The following NAV2 variants were observed in gnomAD, a reference collection of about 807,000 sequenced individuals.
NAV2 encodes the protein neuron navigator 2.
Under a neutral mutation model 223.2 loss-of-function variants are expected in NAV2, and 54 were observed. The observed-to-expected ratio is 0.24, with a 90% CI of 0.19 to 0.30. The LOEUF is 0.30. Among genes scored for constraint, NAV2 ranks in the 10% least tolerant of loss-of-function variants. The pLI, the probability that NAV2 is intolerant of heterozygous loss-of-function variation, is 1.00. For synonymous variants in NAV2, 1,279 were observed against 1,239.3 expected, an observed-to-expected ratio of 1.03 and a Z score of -0.67; for missense variants, 2,806 against 3,147.5, an observed-to-expected ratio of 0.89 and a Z score of 2.60.
intron 1 of NAV2, among the ~76,000 whole-genome samples, chr11:19,388,322 C>T (rs1336816612): frequency 1.3e-5 from 2 of 152,214 alleles, no homozygotes; most frequent in Admixed American, 1.3e-4. Context: ...AAGAACCCGA[C>T]TGTCCCAGCT....
intron 1 of NAV2, among the ~76,000 whole-genome samples, chr11:19,641,612 A>G (rs1397857460): frequency 6.6e-6 from 1 of 151,784 alleles, no homozygotes; most frequent in Non-Finnish European, 1.5e-5. Flanking sequence ...CACCATGGCT[A>G]TGCAGACCCC....
chr11:19,855,636 G>A (rs1397414964), intron 3 of NAV2, among the ~76,000 whole-genome samples: 1 of 152,120 alleles, frequency 6.6e-6, no homozygotes, highest in Non-Finnish European at 1.5e-5. Context: ...CATGCATTCC[G>A]GGTTTCCACT....
intron 1 of NAV2, among the ~76,000 whole-genome samples, chr11:19,469,751 G>C (rs2041903764): frequency 6.6e-6 from 1 of 152,194 alleles, no homozygotes; most frequent in South Asian, 2.1e-4. Flanking sequence ...TGGCTATTCT[G>C]TATGTTCTGT....
In NAV2 at chr11:19,946,521, G is replaced by A. The variant is rs2046951428; in HGVS notation, c.2255+12G>A. 7 of 1,604,704 alleles carry A rather than the reference G, an allele frequency of 4.4e-6. No individual in the cohort carries two copies. In the South Asian group the frequency reaches 4.5e-5, roughly 10 times the overall value. Reference sequence around the variant, plus strand: ...CAGGTTACACACAGGTATCTGCAGTGTGAATTACTTTACTGAACTACCTGG... The same window carrying A: ...CAGGTTACACACAGGTATCTGCAGTATGAATTACTTTACTGAACTACCTGG... On this transcript the variant is annotated intron_variant, in intron 9 of 37. Transcript: ENST00000349880.
intron 1 of NAV2, among the ~76,000 whole-genome samples, chr11:19,427,984 A>AT (rs532127755): frequency 1.7e-4 from 26 of 151,234 alleles, no homozygotes; most frequent in South Asian, 4.2e-4. Context: ...TGTTTGGGGT[A>AT]TTTTTTTTAA....
Position 19,438,968 on chromosome 11 carries a change from C to T in NAV2, c.75+87941C>T, listed in dbSNP as rs192808714. On this transcript the variant is annotated intron_variant, in intron 1 of 37. Transcript: ENST00000360655. ...ATTGGCCATTAGTGATTAGCTCAAT[C>T]GCCAGCCCCTCCCTCCTCCCTGGAA... Among the ~76,000 whole-genome samples the T allele has an allele frequency of 3.8e-4, 58 of 152,016 alleles. No individual in the cohort carries two copies. The East Asian group carries it at 5.2e-3, about 14-fold the overall frequency.
chr11:20,035,460 AGGTTTCTCCTAACTGTTGCC>A (rs1449529652), intron 11 of NAV2, among the ~76,000 whole-genome samples: 1 of 152,184 alleles, frequency 6.6e-6, no homozygotes, highest in Non-Finnish European at 1.5e-5. Flanking sequence ...CCAAGTTGAC[AGGTTTCTCCTAACTGTTGCC>A]GCTCTCCCTC....
chr11:20,054,178 C>T lies in NAV2; in HGVS notation c.4580C>T (p.Pro1527Leu), dbSNP rs542369987. The change falls in exon 18 of 38, where the codon CCC becomes CTC. Residue 1527 changes from proline (P) to leucine (L), a missense_variant. Physicochemically the swap from Pro to Leu is moderately conservative, Grantham distance 98 (BLOSUM62 -3). Coordinates refer to ENST00000349880, the MANE Select transcript of NAV2 (RefSeq NM_145117.5). ...GGLQDTAANS[P>L]FSSGSSVTSP... ...CTTCAGGACACCGCTGCCAATTCCCCCTTTTCCTCTGGCTCCAGCGTGACT... is the reference window on the plus strand; with the variant it reads ...CTTCAGGACACCGCTGCCAATTCCCTCTTTTCCTCTGGCTCCAGCGTGACT... 6.2e-7 allele frequency: 1 copy of T among 1,613,668 alleles called. No homozygotes were observed. The highest frequency in any genetic ancestry group is 1.1e-5 in the South Asian group (1 of 90,926).
Position 19,998,903 on chromosome 11 carries a change from G to T in NAV2, c.2768+14656G>T, listed in dbSNP as rs1015832171. On this transcript the variant is annotated intron_variant, in intron 11 of 37. Coordinates refer to ENST00000349880, the MANE Select transcript of NAV2 (RefSeq NM_145117.5). The surrounding 1 kb of genome is among the most constrained non-coding windows in gnomAD (Gnocchi z 5.0). ...TAATTTTTATTTATTTGCCTGTTAT[G>T]TCTTTCCCACTAGACTATCAGTATC... 6.6e-6 allele frequency among the ~76,000 whole-genome samples: 1 copy of T among 152,168 alleles called. No homozygotes were observed. The highest frequency in any genetic ancestry group is 1.5e-5 in the Non-Finnish European group (1 of 68,042).
At chr11:19,884,421 T>C in intron 5 of NAV2, 3 of 1,430,986 alleles carry the variant, frequency 2.1e-6, no homozygotes, top group Non-Finnish European at 3.0e-6. Flanking sequence ...TGTTCCATTG[T>C]TCCCTCTGTT....
intron 1 of NAV2, among the ~76,000 whole-genome samples, chr11:19,804,977 T>G (rs1477080232): frequency 6.6e-6 from 1 of 152,118 alleles, no homozygotes; most frequent in Non-Finnish European, 1.5e-5. Flanking sequence ...TGAATTGGGC[T>G]GAAGTGAAAG....
chr11:20,108,208 C>G (rs914138916), intron 36 of NAV2, among the ~76,000 whole-genome samples: 2 of 152,134 alleles, frequency 1.3e-5, no homozygotes, highest in East Asian at 1.9e-4. Context: ...GTTTTTTACT[C>G]CATTTTTAAG....
intron 1 of NAV2, among the ~76,000 whole-genome samples, chr11:19,770,657 A>G (rs756714693): frequency 2.0e-5 from 3 of 152,184 alleles, no homozygotes; most frequent in African/African-American, 4.8e-5. Flanking sequence ...CTGCTTGAAT[A>G]AGTAAAAAAC....
intron 4 of NAV2, among the ~76,000 whole-genome samples, chr11:19,871,528 G>A (rs1236251189): frequency 2.0e-5 from 3 of 152,078 alleles, no homozygotes; most frequent in Admixed American, 6.6e-5. Flanking sequence ...GTCTCAGCAG[G>A]CCCTGCTGAC....
At chr11:19,731,373 G>A (rs1025289296) in intron 1 of NAV2, among the ~76,000 whole-genome samples, 1 of 152,240 alleles carries the variant, frequency 6.6e-6, no homozygotes, top group Non-Finnish European at 1.5e-5. Context: ...AATTGCAGTT[G>A]GTGACTATTT....
chr11:20,118,079 G>C (rs896828610), intron 37 of NAV2, 54 bp from the exon 38 acceptor site: 11 of 1,605,846 alleles, frequency 6.8e-6, no homozygotes, highest in African/African-American at 1.3e-5. Flanking sequence ...AGGAGTCCAG[G>C]GTGGGCGGCC....
Position 19,892,493 on chromosome 11 carries a change from G to T in NAV2, c.830G>T (p.Gly277Val). The T allele has an allele frequency of 6.2e-7, 1 of 1,614,154 alleles. No individual in the cohort carries two copies. Among genetic ancestry groups the T allele is most frequent in the Non-Finnish European group, 8.5e-7 (1 of 1,180,004 alleles). Residue 277 changes from glycine (G) to valine (V), a missense_variant, in exon 6 of 38, where the codon GGG becomes GTG. Coordinates refer to ENST00000349880, the MANE Select transcript of NAV2 (RefSeq NM_145117.5). ...AAGSEAKTRG[G>V]STTANNRRSQ... ...GGCAGCGAGGCCAAAACACGCGGAG[G>T]GTCAACTACTGCTAACAACCGACGC...
intron 1 of NAV2, among the ~76,000 whole-genome samples, chr11:19,686,583 T>A (rs2049031448): frequency 6.6e-6 from 1 of 152,202 alleles, no homozygotes; most frequent in African/African-American, 2.4e-5. Context: ...AAAGGGGTTG[T>A]GAGCAAAATA....
chr11:19,852,399 G>C (rs923610763), intron 3 of NAV2, among the ~76,000 whole-genome samples: 13 of 152,192 alleles, frequency 8.5e-5, no homozygotes, highest in African/African-American at 2.7e-4. Flanking sequence ...AGTACATTCA[G>C]AGCACGTCAC....
Sources: allele counts gnomAD v4.1 joint callset (sites outside exome capture counted in the v4.1 genomes callset), GRCh38; gene constraint gnomAD v4.1.1; non-coding constraint Gnocchi (gnomAD v3.1); transcripts MANE v1.5; gene names NCBI Gene and HGNC (gene_info 2026-07-23, HGNC 2026-07-21).